FRY: variants seen among roughly 807,000 people sequenced by gnomAD.
The protein encoded by FRY is FRY microtubule binding protein, also known as protein furry homolog.
Under a neutral mutation model 348.4 loss-of-function variants are expected in FRY, and 128 were observed. The ratio of observed to expected loss-of-function variants is 0.37; its 90% CI spans 0.32 to 0.43. FRY has a LOEUF of 0.43. Ranked by LOEUF, FRY falls within the 20% of genes least tolerant of loss-of-function variation. FRY has a pLI of 1.00. For synonymous variants in FRY, 1,370 were observed against 1,374.7 expected, an observed-to-expected ratio of 1.00 and a Z score of 0.08; for missense variants, 2,736 against 3,695.2, an observed-to-expected ratio of 0.74 and a Z score of 6.73.
In FRY at chr13:32,244,025, G is replaced by T. The variant is rs531586495; in HGVS notation, c.6688-17G>T. 1.9e-6 allele frequency: 3 copies of T among 1,612,664 alleles called. No individual in the cohort carries two copies. Among genetic ancestry groups the T allele is most frequent in the East Asian group, 4.5e-5 (2 of 44,862 alleles). ...ATCTGGTGTGTGACTGACTCCAGCC[G>T]CACTTTGCCCCCACAGCTGCTGGAG... On this transcript the variant is annotated splice_polypyrimidine_tract_variant and intron_variant, in intron 46 of 60. Transcript: ENST00000542859.
intron 36 of FRY, 146 bp from the exon 37 acceptor site, chr13:32,224,089 C>A: frequency 4.2e-6 from 3 of 708,120 alleles, no homozygotes; most frequent in Admixed American, 2.3e-5. Context: ...GCCAGCGAGA[C>A]CCTGTCCCTA....
intron 8 of FRY, among the ~76,000 whole-genome samples, chr13:32,134,396 A>C (rs756211525): frequency 6.6e-6 from 1 of 152,210 alleles, no homozygotes. Context: ...TGAATAATAA[A>C]CACACCTAAA....
intron 2 of FRY, among the ~76,000 whole-genome samples, chr13:32,086,505 T>C (rs1287164379): frequency 1.3e-5 from 2 of 152,190 alleles, no homozygotes; most frequent in African/African-American, 2.4e-5. Context: ...AACTCACTTA[T>C]TAGTGAGTCT....
At chr13:32,051,398 T>C (rs1240573585) in intron 1 of FRY, among the ~76,000 whole-genome samples, 1 of 152,174 alleles carries the variant, frequency 6.6e-6, no homozygotes, top group Non-Finnish European at 1.5e-5. Flanking sequence ...AAGAGCTACC[T>C]ACCGGAATGA....
At position 32,171,198 on chromosome 13, in the gene FRY, C is replaced by T. The variant is rs1376728318; in HGVS notation, c.2079C>T (p.Leu693=). The change falls in exon 18 of 61, where the codon CTC becomes CTT. Residue 693 remains leucine (L), a synonymous_variant. Transcript: ENST00000542859. ...DSSLKLLLQL[L]TQWKLVIQTQ... ...CCCTGAAGTTGCTGCTGCAGCTGCT[C>T]ACCCAGTGGAAACTAGTCATCCAGA... is the stretch of plus-strand genomic sequence containing the variant. 1 of 1,612,736 alleles carries T rather than the reference C, an allele frequency of 6.2e-7. No individual in the cohort carries two copies. Among genetic ancestry groups the T allele is most frequent in the Non-Finnish European group, 8.5e-7 (1 of 1,179,116 alleles).
At chr13:32,122,997 C>T (rs1388644412) in intron 4 of FRY, among the ~76,000 whole-genome samples, 4 of 152,088 alleles carry the variant, frequency 2.6e-5, no homozygotes, top group Non-Finnish European at 5.9e-5. Context: ...GTCGAAAGAC[C>T]TCTACAAGGA....
At position 32,173,348 on chromosome 13, in the gene FRY, T is replaced by G. The variant is rs767152848; in HGVS notation, c.2152-19T>G. On this transcript the variant is annotated intron_variant, in intron 18 of 60. Transcript: ENST00000542859. ...TGTTATTTCGCTGAATACAGAATGT[T>G]GTTCTTATTGCATAACAGCTCATCG... The G allele has an allele frequency of 2.1e-5, 33 of 1,598,278 alleles. 1 individual carries two copies. In the South Asian group the frequency reaches 2.9e-4, roughly 14 times the overall value.
intron 55 of FRY, among the ~76,000 whole-genome samples, chr13:32,274,116 A>G (rs1348906127): frequency 1.3e-5 from 2 of 152,236 alleles, no homozygotes; most frequent in Non-Finnish European, 2.9e-5. Context: ...AGAAATGTCC[A>G]CACTGAATGA....
At chr13:32,085,541 T>TC (rs1166914702) in intron 2 of FRY, among the ~76,000 whole-genome samples, 2 of 152,216 alleles carry the variant, frequency 1.3e-5, no homozygotes, top group Non-Finnish European at 2.9e-5. Context: ...CTCCTTTTTT[T>TC]CTCATTTGCA....
chr13:32,086,143 G>C, intron 2 of FRY: 1 of 390,030 alleles, frequency 2.6e-6, no homozygotes, highest in Non-Finnish European at 5.0e-6. Context: ...AATAAGAACC[G>C]CATAATGGCC....
chr13:32,215,354 C>A (rs1884930502), intron 35 of FRY, among the ~76,000 whole-genome samples: 1 of 152,096 alleles, frequency 6.6e-6, no homozygotes, highest in African/African-American at 2.4e-5. Flanking sequence ...GATATTTACA[C>A]ATTAAATGCC....
At chr13:32,155,808 C>G (rs951695052) in intron 15 of FRY, 146 bp downstream of exon 15, 12 of 614,804 alleles carry the variant, frequency 2.0e-5, no homozygotes, top group Admixed American at 6.2e-5. Flanking sequence ...TTGATTGATT[C>G]ATGCTGTGTT....
chr13:32,049,168 A>T (rs1267467149), intron 1 of FRY, among the ~76,000 whole-genome samples: 1 of 152,192 alleles, frequency 6.6e-6, no homozygotes, highest in Non-Finnish European at 1.5e-5. Flanking sequence ...TTTAAGAGGG[A>T]GGGAAGAGGC....
At chr13:32,177,374 G>C (rs1475711993) in intron 20 of FRY, among the ~76,000 whole-genome samples, 4 of 152,110 alleles carry the variant, frequency 2.6e-5, no homozygotes, top group Non-Finnish European at 5.9e-5. Context: ...AGATCATTTA[G>C]AGTTCAGGAA....
chr13:32,151,662 T>C lies in FRY; in HGVS notation c.1479+1828T>C, dbSNP rs139277281. On this transcript the variant is annotated intron_variant, in intron 14 of 60. Coordinates refer to ENST00000542859, the MANE Select transcript of FRY (RefSeq NM_023037.3). ...AAATTTCCAGGTAATTGTCTTGTTT[T>C]AGTGCACACCTGAATGACCTTCTAT... 1.8e-3 allele frequency among the ~76,000 whole-genome samples: 270 copies of C among 152,376 alleles called. 1 individual carries two copies. Among genetic ancestry groups the C allele is most frequent in the African/African-American group, 6.0e-3 (248 of 41,602 alleles).
At chr13:32,208,046 G>GGC (rs1566133715) in intron 31 of FRY, among the ~76,000 whole-genome samples, 2 of 152,234 alleles carry the variant, frequency 1.3e-5, no homozygotes, top group Non-Finnish European at 2.9e-5. Flanking sequence ...TGCTGGCAGT[G>GGC]AAACAATGCC....
intron 31 of FRY, among the ~76,000 whole-genome samples, chr13:32,206,811 T>C (rs1884379413): frequency 6.6e-6 from 1 of 152,206 alleles, no homozygotes. Context: ...AACACTTGTT[T>C]TTAATATAAA....
At position 32,124,836 on chromosome 13, in the gene FRY, A is replaced by C; in HGVS notation, c.677A>C (p.Asp226Ala). The change falls in exon 7 of 61, where the codon GAC becomes GCC. Residue 226 changes from aspartate to alanine, a missense_variant. Asp to Ala is a moderately radical substitution (Grantham distance 126, BLOSUM62 -2). Coordinates refer to ENST00000542859, the MANE Select transcript of FRY (RefSeq NM_023037.3). Reference protein sequence around the residue: ...PNTGNMHIVADLYAEVIGVLA... With the variant: ...PNTGNMHIVAALYAEVIGVLA... The stretch of plus-strand genomic sequence containing the variant: ...ACTGGCAATATGCATATTGTGGCAG[A>C]CCTGTATGCAGAAGTCATTGGAGTG... 6.2e-7 allele frequency: 1 copy of C among 1,613,446 alleles called. No individual in the cohort carries two copies. The highest frequency in any genetic ancestry group is 8.5e-7 in the Non-Finnish European group (1 of 1,179,338).
chr13:32,055,716 A>C (rs894200708), intron 1 of FRY, among the ~76,000 whole-genome samples: 17 of 152,250 alleles, frequency 1.1e-4, no homozygotes, highest in African/African-American at 4.1e-4. Flanking sequence ...CAGAAAGATC[A>C]AATGAGGAAT....
Sources: gnomAD v4.1 joint callset for allele counts (sites outside exome capture counted in the v4.1 genomes callset) on GRCh38, gnomAD v4.1.1 for gene constraint, MANE v1.5 for transcripts, NCBI Gene and HGNC (gene_info 2026-07-23, HGNC 2026-07-21) for gene names.